KCNMA1: variants seen among roughly 807,000 people sequenced by gnomAD.
KCNMA1 encodes the protein potassium calcium-activated channel subfamily M alpha 1, also known as Calcium-activated potassium channel subunit alpha-1.
KCNMA1 carries 29 observed loss-of-function variants against 140.0 expected under a neutral mutation model. That is an observed-to-expected ratio of 0.21 (90% CI 0.15 to 0.28). The LOEUF (loss-of-function observed/expected upper bound fraction) is 0.28, where lower values mean the gene tolerates loss of function less well. KCNMA1 is among the 10% of genes least tolerant of loss of function. The pLI is 1.00. For missense variants in KCNMA1, 880 were observed against 1,602.2 expected (o/e 0.55, Z 7.70); for synonymous variants, 612 against 611.9 (o/e 1.00, Z 0.00).
At chr10:77,080,964 T>G (rs1350956806) in intron 12 of KCNMA1, among the ~76,000 whole-genome samples, 1 of 152,160 alleles carries the variant, frequency 6.6e-6, no homozygotes, top group Non-Finnish European at 1.5e-5. Context: ...GAGAAAATGA[T>G]GACTTAAACG....
At chr10:77,441,609 T>C (rs917897953) in intron 1 of KCNMA1, among the ~76,000 whole-genome samples, 2 of 152,092 alleles carry the variant, frequency 1.3e-5, no homozygotes, top group African/African-American at 4.8e-5. Context: ...TAATGCTATT[T>C]TTAATCTTTC....
intron 1 of KCNMA1, among the ~76,000 whole-genome samples, chr10:77,436,650 G>A (rs1266340217): frequency 6.6e-6 from 1 of 152,162 alleles, no homozygotes; most frequent in African/African-American, 2.4e-5. Context: ...GGTCACACAG[G>A]TACTACAGCA....
chr10:77,613,511 G>T (rs2087853345), intron 1 of KCNMA1, among the ~76,000 whole-genome samples: 1 of 152,228 alleles, frequency 6.6e-6, no homozygotes, highest in African/African-American at 2.4e-5. Context: ...GCTGCCAAGG[G>T]AGCCCTCCTT....
intron 16 of KCNMA1, chr10:77,019,759 T>C (rs2092615872): frequency 6.6e-6 from 1 of 152,276 alleles, no homozygotes; most frequent in African/African-American, 2.4e-5. Context: ...CAGTCTGCTG[T>C]TTATAAAAAC....
intron 2 of KCNMA1, among the ~76,000 whole-genome samples, chr10:77,307,400 C>T (rs937425499): frequency 1.2e-4 from 19 of 152,194 alleles, no homozygotes; most frequent in African/African-American, 4.6e-4. Context: ...ACCCATACGA[C>T]CATTTTGTTT....
At chr10:76,898,984 T>C in intron 25 of KCNMA1, among the ~76,000 whole-genome samples, 1 of 151,960 alleles carries the variant, frequency 6.6e-6, no homozygotes, top group Non-Finnish European at 1.5e-5. Flanking sequence ...AAAACACAAA[T>C]AAAATTAGAA....
chr10:77,274,430 C>T (rs2066039105), intron 2 of KCNMA1, among the ~76,000 whole-genome samples: 1 of 152,194 alleles, frequency 6.6e-6, no homozygotes, highest in Admixed American at 6.5e-5. Flanking sequence ...AAGGAAACTA[C>T]ACAACTGAGC....
chr10:77,093,405 T>C (rs775390020), intron 9 of KCNMA1, among the ~76,000 whole-genome samples: 2 of 152,178 alleles, frequency 1.3e-5, no homozygotes, highest in African/African-American at 4.8e-5. Context: ...GGCCTCCCCC[T>C]TTTGTGCCAA....
chr10:77,573,968 G>A (rs957500180), intron 1 of KCNMA1, among the ~76,000 whole-genome samples: 3 of 151,554 alleles, frequency 2.0e-5, no homozygotes, highest in African/African-American at 4.8e-5. Context: ...CTCCCGAGTA[G>A]TTAGGACTAC....
chr10:76,974,477 C>G (rs1374259835), intron 19 of KCNMA1: 1 of 1,515,192 alleles, frequency 6.6e-7, no homozygotes, highest in Non-Finnish European at 9.0e-7. Context: ...GGGTCCCAGT[C>G]TTCCTTCACC....
chr10:77,176,520 G>T (rs1212304823), intron 5 of KCNMA1, among the ~76,000 whole-genome samples: 1 of 152,010 alleles, frequency 6.6e-6, no homozygotes, highest in Non-Finnish European at 1.5e-5. Context: ...CTTCAATAAG[G>T]CTCTCCCCAA....
intron 1 of KCNMA1, among the ~76,000 whole-genome samples, chr10:77,465,286 A>G (rs1195226034): frequency 6.6e-6 from 1 of 152,194 alleles, no homozygotes; most frequent in Non-Finnish European, 1.5e-5. Flanking sequence ...CAAAGCTGGT[A>G]CCTGCAGACC....
rs1195002407 is a variant in KCNMA1 at position 77,154,684 on chromosome 10, ATATT to A, written c.808+28733_808+28736del. On this transcript the variant is annotated intron_variant, in intron 5 of 27. Transcript: ENST00000286628. ...GAGGCAGAGATATTTCATGCAATAAATATTTATTAAGCACCTGCTGGTGCCTGGC... is the reference window on the plus strand; with the variant it reads ...GAGGCAGAGATATTTCATGCAATAAATATTAAGCACCTGCTGGTGCCTGGC... Among the ~76,000 whole-genome samples the A allele has an allele frequency of 5.3e-5, 8 of 152,296 alleles. No individual in the cohort carries two copies. In the East Asian group the frequency reaches 9.7e-4, roughly 18 times the overall value.
chr10:77,594,448 C>T (rs1397229846), intron 1 of KCNMA1, among the ~76,000 whole-genome samples: 2 of 152,196 alleles, frequency 1.3e-5, no homozygotes, highest in Non-Finnish European at 2.9e-5. Flanking sequence ...GGCCAGTCAG[C>T]ATGAGAGCTC....
At position 77,387,832 on chromosome 10, in the gene KCNMA1, G is replaced by T. The variant is rs149320700; in HGVS notation, c.540+16030C>A. 7.5e-3 allele frequency among the ~76,000 whole-genome samples: 1,145 copies of T among 152,182 alleles called. 13 individuals are homozygous for T. The highest frequency in any genetic ancestry group is 0.026 in the African/African-American group (1,090 of 41,502). The stretch of plus-strand genomic sequence containing the variant: ...AGGGTTTTAGCATGTTGGCCAGGCT[G>T]GTCTTAAACTCCTGACCTCAAGTGA... On this transcript the variant is annotated intron_variant, in intron 2 of 27. Coordinates refer to ENST00000286628, the MANE Select transcript of KCNMA1 (RefSeq NM_001161352.2).
chr10:77,270,344 T>A (rs1455333415), intron 2 of KCNMA1, among the ~76,000 whole-genome samples: 1 of 152,138 alleles, frequency 6.6e-6, no homozygotes, highest in African/African-American at 2.4e-5. Context: ...GTGGTGCATG[T>A]TGGTCCCGGG....
At chr10:77,225,608 C>T (rs1268175530) in intron 3 of KCNMA1, among the ~76,000 whole-genome samples, 2 of 152,212 alleles carry the variant, frequency 1.3e-5, no homozygotes, top group East Asian at 1.9e-4. Flanking sequence ...CTGAACCACA[C>T]GGCAGGAAGC....
At chr10:77,212,186 T>C (rs1386080612) in intron 3 of KCNMA1, among the ~76,000 whole-genome samples, 1 of 152,140 alleles carries the variant, frequency 6.6e-6, no homozygotes, top group Middle Eastern at 3.2e-3. Context: ...AGCAAATACA[T>C]TGAATCAACC....
chr10:77,342,120 A>G (rs1250254849), intron 2 of KCNMA1, among the ~76,000 whole-genome samples: 13 of 152,130 alleles, frequency 8.5e-5, no homozygotes, highest in Non-Finnish European at 1.9e-4. Flanking sequence ...CTCTTTCCCC[A>G]TTTTACAAAT....
Sources: allele counts gnomAD v4.1 joint callset (sites outside exome capture counted in the v4.1 genomes callset), GRCh38; gene constraint gnomAD v4.1.1; transcripts MANE v1.5; gene names NCBI Gene and HGNC (gene_info 2026-07-23, HGNC 2026-07-21).